The following RORA variants were observed in gnomAD, a reference collection of about 807,000 sequenced individuals.
The protein encoded by RORA is nuclear receptor ROR-alpha.
In RORA, 7 loss-of-function variants were observed where a neutral mutation model predicts 69.5. The observed-to-expected ratio is 0.10, with a 90% CI of 0.06 to 0.19. The LOEUF (loss-of-function observed/expected upper bound fraction) is 0.19. RORA is among the 10% of genes least tolerant of loss of function. RORA has a pLI of 1.00. For synonymous variants in RORA, 261 were observed against 240.8 expected (o/e 1.08, Z -0.78); for missense variants, 457 against 663.0 (o/e 0.69, Z 3.41).
intron 2 of RORA, among the ~76,000 whole-genome samples, chr15:60,591,114 T>C (rs1171444072): frequency 2.0e-5 from 3 of 152,208 alleles, no homozygotes; most frequent in Non-Finnish European, 4.4e-5. Context: ...TAACAGGCGC[T>C]TGGCACCCGC....
chr15:60,726,646 G>A (rs1051303459), intron 1 of RORA, among the ~76,000 whole-genome samples: 7 of 152,194 alleles, frequency 4.6e-5, no homozygotes, highest in Non-Finnish European at 7.3e-5. Context: ...CTACAGCCTC[G>A]TCTGCATGTG....
intron 1 of RORA, among the ~76,000 whole-genome samples, chr15:60,796,143 C>T (rs2140353055): frequency 6.6e-6 from 1 of 152,292 alleles, no homozygotes; most frequent in East Asian, 1.9e-4. Context: ...TGCCACGTCT[C>T]CTCCTGGGTG....
At chr15:60,627,322 G>A (rs1043710012) in intron 2 of RORA, 7 of 1,614,066 alleles carry the variant, frequency 4.3e-6, no homozygotes, top group South Asian at 1.1e-5. Flanking sequence ...GATTGACCAC[G>A]GCACTCTTGC....
chr15:61,139,969 CTG>C (rs143423279), intron 1 of RORA, among the ~76,000 whole-genome samples: 3,958 of 152,266 alleles, frequency 0.026, 179 homozygotes, highest in African/African-American at 0.091. Context: ...CAGAAAAGTT[CTG>C]TGAGATGCTG....
intron 1 of RORA, among the ~76,000 whole-genome samples, chr15:60,946,492 G>C (rs956910987): frequency 2.1e-4 from 32 of 152,250 alleles, no homozygotes; most frequent in African/African-American, 7.0e-4. Flanking sequence ...CTGGTCTCCA[G>C]CTCCTAACCG....
intron 1 of RORA, among the ~76,000 whole-genome samples, chr15:60,691,088 C>G (rs1425485439): frequency 6.6e-6 from 1 of 152,176 alleles, no homozygotes; most frequent in African/African-American, 2.4e-5. Context: ...CTCTAAAGCT[C>G]TAAGCTTGCT....
chr15:60,849,364 T>C (rs1433842622), intron 1 of RORA, among the ~76,000 whole-genome samples: 14 of 152,224 alleles, frequency 9.2e-5, no homozygotes. Context: ...GCCAATTGGA[T>C]ATCATCTGAA....
rs1409862565 is a variant in RORA at position 60,491,981 on chromosome 15, A to T, written c.*5474T>A. 1 of 147,886 alleles carries T rather than the reference A, an allele frequency of 6.8e-6. No individual in the cohort carries two copies. The highest frequency in any genetic ancestry group is 1.5e-5 in the Non-Finnish European group (1 of 67,134). The allele number at this position is 147,886 out of a possible 1,614,324, so 9.2% of individuals were successfully genotyped here. Reference sequence around the variant, plus strand: ...AGTTGTTTTCATGGGGTTCTATATCATAACTTTATAAGAAGTGGCAATCAC... The same window carrying T: ...AGTTGTTTTCATGGGGTTCTATATCTTAACTTTATAAGAAGTGGCAATCAC... On this transcript the variant is annotated 3_prime_UTR_variant, in exon 11 of 11. Transcript: ENST00000335670.
At chr15:60,796,504 C>T (rs117666363) in intron 1 of RORA, among the ~76,000 whole-genome samples, 36,644 of 151,206 alleles carry the variant, frequency 0.24, 5,685 homozygotes, top group Non-Finnish European at 0.34. Flanking sequence ...GGCTATCCAC[C>T]CCCCGCCAAA....
intron 2 of RORA, among the ~76,000 whole-genome samples, chr15:60,646,017 G>C (rs339976): frequency 0.84 from 127,170 of 152,168 alleles, 53,371 homozygotes; most frequent in East Asian, 1. Context: ...CGTATGCTCT[G>C]AAAGCTAGGA....
chr15:60,766,973 A>G (rs1353702790), intron 1 of RORA, among the ~76,000 whole-genome samples: 1 of 152,188 alleles, frequency 6.6e-6, no homozygotes, highest in Non-Finnish European at 1.5e-5. Context: ...GAAGATAGAG[A>G]TCAAAGGCTG....
At chr15:60,979,947 T>A (rs1027274112) in intron 1 of RORA, among the ~76,000 whole-genome samples, 1 of 152,186 alleles carries the variant, frequency 6.6e-6, no homozygotes, top group African/African-American at 2.4e-5. Flanking sequence ...AACATCCATA[T>A]CATGTTTCTG....
chr15:60,970,001 C>T (rs1162793436), intron 1 of RORA, among the ~76,000 whole-genome samples: 5 of 152,272 alleles, frequency 3.3e-5, no homozygotes, highest in East Asian at 1.9e-4. Context: ...CTCTTGCACG[C>T]GCACTCTCTT....
chr15:61,221,805 C>T (rs1177681230), intron 1 of RORA, among the ~76,000 whole-genome samples: 9 of 152,176 alleles, frequency 5.9e-5, no homozygotes, highest in Middle Eastern at 3.4e-3. Flanking sequence ...AAGAGTTTAT[C>T]TATTATGGTC....
At chr15:61,005,452 C>A (rs2140385563) in intron 1 of RORA, among the ~76,000 whole-genome samples, 1 of 152,304 alleles carries the variant, frequency 6.6e-6, no homozygotes, top group East Asian at 1.9e-4. Flanking sequence ...TGTACTCCAG[C>A]CTGGGCAACA....
intron 2 of RORA, among the ~76,000 whole-genome samples, chr15:60,612,888 C>G (rs955283583): frequency 1.3e-5 from 2 of 151,976 alleles, no homozygotes; most frequent in African/African-American, 4.8e-5. Flanking sequence ...TCAGGGTGAC[C>G]TCACTGATCA....
At chr15:60,991,323 G>A (rs1894370188) in intron 1 of RORA, among the ~76,000 whole-genome samples, 2 of 152,154 alleles carry the variant, frequency 1.3e-5, no homozygotes, top group African/African-American at 2.4e-5. Flanking sequence ...AATAAAGACC[G>A]TCGGATTTAC....
At chr15:60,548,629 T>G (rs2067141381) in intron 2 of RORA, among the ~76,000 whole-genome samples, 1 of 152,028 alleles carries the variant, frequency 6.6e-6, no homozygotes, top group South Asian at 2.1e-4. Context: ...GTAAATAGCA[T>G]TAGTGTATTT....
At chr15:60,529,263 A>C (rs550135262) in intron 3 of RORA, 2 of 152,204 alleles carry the variant, frequency 1.3e-5, no homozygotes, top group African/African-American at 2.4e-5. Flanking sequence ...ACACTATCTC[A>C]GCAAAGTTAT....
Sources: gnomAD v4.1 joint callset for allele counts (sites outside exome capture counted in the v4.1 genomes callset) on GRCh38, gnomAD v4.1.1 for gene constraint, MANE v1.5 for transcripts, NCBI Gene and HGNC (gene_info 2026-07-23, HGNC 2026-07-21) for gene names.